Variants in ROBO2 observed in about 807,000 individuals in gnomAD.
ROBO2 encodes roundabout homolog 2.
ROBO2 carries 53 observed loss-of-function variants against 160.8 expected under a neutral mutation model. The ratio of observed to expected loss-of-function variants is 0.33; its 90% CI spans 0.26 to 0.41. The LOEUF is 0.41. Ranked by LOEUF, ROBO2 falls within the 10% of genes least tolerant of loss-of-function variation. The pLI, the probability that ROBO2 is intolerant of heterozygous loss-of-function variation, is 1.00. For synonymous variants in ROBO2, 664 were observed against 611.7 expected (o/e 1.09, Z -1.26); for missense variants, 1,577 against 1,722.4 (o/e 0.92, Z 1.49).
intron 2 of ROBO2, among the ~76,000 whole-genome samples, chr3:76,402,305 A>G (rs1441108183): frequency 1.3e-5 from 2 of 151,576 alleles, no homozygotes; most frequent in Non-Finnish European, 1.5e-5. Flanking sequence ...ATGTTGATCC[A>G]CACACATAAC....
At chr3:77,404,328 A>G (rs768046885) in intron 2 of ROBO2, among the ~76,000 whole-genome samples, 5 of 152,184 alleles carry the variant, frequency 3.3e-5, no homozygotes, top group Non-Finnish European at 7.4e-5. Context: ...AGATAATTTC[A>G]TGATTACATT....
chr3:75,958,968 G>A (rs969038803), intron 2 of ROBO2, among the ~76,000 whole-genome samples: 4 of 151,702 alleles, frequency 2.6e-5, no homozygotes, highest in Non-Finnish European at 4.4e-5. Flanking sequence ...GTAATTTGAC[G>A]GCTGTCAAGC....
At chr3:76,887,910 G>A (rs1001331024) in intron 2 of ROBO2, among the ~76,000 whole-genome samples, 2 of 152,064 alleles carry the variant, frequency 1.3e-5, no homozygotes, top group African/African-American at 4.8e-5. Flanking sequence ...GAGCTTGGGA[G>A]TCCTAACATA....
intron 2 of ROBO2, among the ~76,000 whole-genome samples, chr3:76,368,465 T>C (rs1044259950): frequency 2.0e-5 from 3 of 151,856 alleles, no homozygotes; most frequent in African/African-American, 7.3e-5. Flanking sequence ...ATACAGAAGG[T>C]TGAAGCAGCT....
chr3:76,846,167 T>G (rs2068757241), intron 2 of ROBO2, among the ~76,000 whole-genome samples: 2 of 152,172 alleles, frequency 1.3e-5, no homozygotes, highest in Admixed American at 6.6e-5. Flanking sequence ...CACTTTTTCC[T>G]TGATTTGTCA....
At chr3:77,210,444 C>A (rs994384781) in intron 2 of ROBO2, among the ~76,000 whole-genome samples, 2 of 151,820 alleles carry the variant, frequency 1.3e-5, no homozygotes, top group South Asian at 4.2e-4. Context: ...TGTCATATAA[C>A]AATACAATAT....
intron 2 of ROBO2, among the ~76,000 whole-genome samples, chr3:76,016,517 G>C (rs2066409540): frequency 6.6e-6 from 1 of 151,696 alleles, no homozygotes; most frequent in African/African-American, 2.4e-5. Context: ...GCTTTTTTTG[G>C]TAAAGATACT....
At chr3:77,271,785 T>G (rs1171262553) in intron 2 of ROBO2, among the ~76,000 whole-genome samples, 1 of 152,202 alleles carries the variant, frequency 6.6e-6, no homozygotes, top group Non-Finnish European at 1.5e-5. Context: ...GATGCCCCCA[T>G]GGGCCCTGAC....
intron 1 of ROBO2, among the ~76,000 whole-genome samples, chr3:75,927,976 CTTTTTTTTTTTTTTTTTT>C (rs71101865): frequency 9.6e-6 from 1 of 104,002 alleles, no homozygotes; most frequent in Non-Finnish European, 1.8e-5. Context: ...GATTTTCTCT[CTTTTTTTTTTTTTTTTTT>C]TTTTTTTTGA....
intron 2 of ROBO2, among the ~76,000 whole-genome samples, chr3:76,374,523 G>T (rs2076251504): frequency 6.6e-6 from 1 of 151,898 alleles, no homozygotes; most frequent in African/African-American, 2.4e-5. Context: ...AGCAGTAGTG[G>T]TTCATATTTT....
At chr3:76,772,631 G>T (rs967309899) in intron 2 of ROBO2, among the ~76,000 whole-genome samples, 5 of 149,322 alleles carry the variant, frequency 3.3e-5, no homozygotes, top group African/African-American at 4.9e-5. Flanking sequence ...TGGATCTATT[G>T]ATCTAGAGAG....
intron 2 of ROBO2, among the ~76,000 whole-genome samples, chr3:77,101,865 C>T (rs574559675): frequency 6.6e-6 from 1 of 152,192 alleles, no homozygotes; most frequent in East Asian, 1.9e-4. Context: ...CATGGTGAAA[C>T]CCCGACTCTA....
At chr3:77,385,326 G>A (rs1398961629) in intron 2 of ROBO2, among the ~76,000 whole-genome samples, 1 of 152,176 alleles carries the variant, frequency 6.6e-6, no homozygotes, top group Non-Finnish European at 1.5e-5. Context: ...ACCGCACCTG[G>A]CCCAAATATG....
At chr3:76,938,858 C>T (rs969635842) in intron 2 of ROBO2, among the ~76,000 whole-genome samples, 17 of 151,722 alleles carry the variant, frequency 1.1e-4, no homozygotes, top group African/African-American at 3.9e-4. Context: ...GTAATCCCAG[C>T]TACTGGGGAG....
At chr3:76,426,399 T>G (rs1019901178) in intron 2 of ROBO2, among the ~76,000 whole-genome samples, 3 of 152,120 alleles carry the variant, frequency 2.0e-5, no homozygotes, top group African/African-American at 7.2e-5. Flanking sequence ...TTACAGAGAT[T>G]GGAACTCTGT....
At position 76,945,140 on chromosome 3, in the gene ROBO2, C is replaced by T. The variant is rs577640517; in HGVS notation, c.110-152874C>T. Among the ~76,000 whole-genome samples, 12 of 152,124 alleles carry T rather than the reference C, an allele frequency of 7.9e-5. No individual in the cohort carries two copies. The South Asian group carries it at 1.0e-3, about 13-fold the overall frequency. ...CCTGACCTCGTGATCCGCCCGCCTCCGCCTCCCAATGTGCTGGCTTTTAAC... is the reference window on the plus strand; with the variant it reads ...CCTGACCTCGTGATCCGCCCGCCTCTGCCTCCCAATGTGCTGGCTTTTAAC... On this transcript the variant is annotated intron_variant, in intron 2 of 26. Coordinates refer to the ROBO2 transcript ENST00000487694.
At chr3:76,010,523 A>G (rs2066163754) in intron 2 of ROBO2, among the ~76,000 whole-genome samples, 1 of 152,232 alleles carries the variant, frequency 6.6e-6, no homozygotes, top group Non-Finnish European at 1.5e-5. Flanking sequence ...CATTGAACAC[A>G]GCTAGTTGGC....
intron 2 of ROBO2, among the ~76,000 whole-genome samples, chr3:77,187,702 T>A (rs1457320742): frequency 1.3e-5 from 2 of 151,928 alleles, no homozygotes; most frequent in African/African-American, 4.8e-5. Flanking sequence ...CTCTTCATAT[T>A]AAATTGTAGA....
chr3:76,658,966 A>C (rs2091700221), intron 2 of ROBO2, among the ~76,000 whole-genome samples: 1 of 152,172 alleles, frequency 6.6e-6, no homozygotes, highest in African/African-American at 2.4e-5. Context: ...AGATACAATG[A>C]CGGTATGAAT....
Sources: gnomAD v4.1 joint callset for allele counts (sites outside exome capture counted in the v4.1 genomes callset) on GRCh38, gnomAD v4.1.1 for gene constraint, MANE v1.5 for transcripts, NCBI Gene and HGNC (gene_info 2026-07-23, HGNC 2026-07-21) for gene names.